The following ZNF618 variants were observed in gnomAD, a reference collection of about 807,000 sequenced individuals.
ZNF618 encodes neural precursor cell expressed, developmentally down-regulated 10.
Under a neutral mutation model 103.0 loss-of-function variants are expected in ZNF618, and 34 were observed. The ratio of observed to expected loss-of-function variants is 0.33; its 90% confidence interval spans 0.25 to 0.44. ZNF618 has a LOEUF of 0.44. ZNF618 is among the 20% of genes least tolerant of loss of function. The probability of loss-of-function intolerance (pLI) is 1.00; values close to 1 mark genes in which losing one functional copy is unlikely to be tolerated. For missense variants in ZNF618, 1,059 were observed against 1,295.4 expected, an observed-to-expected ratio of 0.82 and a Z score of 2.80; for synonymous variants, 551 against 542.2, an observed-to-expected ratio of 1.02 and a Z score of -0.23.
intron 13 of ZNF618, among the ~76,000 whole-genome samples, chr9:114,038,632 G>A (rs1844846048): frequency 6.6e-6 from 1 of 152,220 alleles, no homozygotes. Flanking sequence ...TTTCTGTGCT[G>A]TAGGAAAACC....
intron 1 of ZNF618, among the ~76,000 whole-genome samples, chr9:113,958,234 G>C (rs1025359969): frequency 6.6e-6 from 1 of 152,178 alleles, no homozygotes; most frequent in Admixed American, 6.5e-5. Context: ...TTTGGACTCG[G>C]AGTATCTGGG....
At chr9:113,978,211 C>T (rs189078302) in intron 2 of ZNF618, among the ~76,000 whole-genome samples, 1 of 152,308 alleles carries the variant, frequency 6.6e-6, no homozygotes, top group East Asian at 1.9e-4. Context: ...GAAACTTAGG[C>T]GGAATAGTAA....
chr9:113,947,494 G>A (rs1835154584), intron 1 of ZNF618, among the ~76,000 whole-genome samples: 1 of 152,102 alleles, frequency 6.6e-6, no homozygotes, highest in African/African-American at 2.4e-5. Context: ...TCTTATTACT[G>A]AAGTCCCCAA....
intron 2 of ZNF618, among the ~76,000 whole-genome samples, chr9:113,987,657 G>A (rs144762409): frequency 1.7e-3 from 260 of 152,336 alleles, no homozygotes; most frequent in Middle Eastern, 0.01. Context: ...GTAGTTTGAG[G>A]CCCAGCAGCC....
At chr9:113,962,047 T>C (rs948057854) in intron 1 of ZNF618, among the ~76,000 whole-genome samples, 2 of 152,162 alleles carry the variant, frequency 1.3e-5, no homozygotes, top group Non-Finnish European at 2.9e-5. Context: ...TCCACGTGCT[T>C]GGTTAATTCT....
At chr9:113,970,258 G>A (rs1440189463) in intron 2 of ZNF618, among the ~76,000 whole-genome samples, 1 of 152,006 alleles carries the variant, frequency 6.6e-6, no homozygotes, top group African/African-American at 2.4e-5. Context: ...CATTGAGCAA[G>A]TGTTCCTTGG....
chr9:113,894,622 C>A (rs750596188), intron 1 of ZNF618, among the ~76,000 whole-genome samples: 1 of 152,140 alleles, frequency 6.6e-6, no homozygotes, highest in Non-Finnish European at 1.5e-5. Context: ...TATTCATTCA[C>A]GCTCCTTTAT....
In ZNF618 at chr9:114,054,195, C is replaced by A. The variant is rs1274153328; in HGVS notation, c.*4028C>A. ...TATATTTGAGCAAGGCCACCTGCTT[C>A]CCCTGGACTTGAGCTGGACTCCTTG... On this transcript the variant is annotated 3_prime_UTR_variant, in exon 15 of 15. Transcript: ENST00000374126. 2 of 152,594 alleles carry A rather than the reference C, an allele frequency of 1.3e-5. No homozygotes were observed. Among genetic ancestry groups the A allele is most frequent in the Non-Finnish European group, 2.9e-5 (2 of 68,062 alleles). The allele number at this position is 152,594 out of a possible 1,614,324, so 9.5% of individuals were successfully genotyped here. A position where few individuals can be genotyped will look rare whatever the true frequency, so the allele number is the denominator to read the frequency against.
At chr9:113,974,349 G>T (rs1436275277) in intron 2 of ZNF618, among the ~76,000 whole-genome samples, 1 of 152,250 alleles carries the variant, frequency 6.6e-6, no homozygotes, top group Non-Finnish European at 1.5e-5. Flanking sequence ...TGGAGCTGGA[G>T]TAGCAGCAAG....
chr9:113,984,290 C>T (rs2133201181), intron 2 of ZNF618, among the ~76,000 whole-genome samples: 1 of 152,306 alleles, frequency 6.6e-6, no homozygotes, highest in East Asian at 1.9e-4. Context: ...CTGACTCTGC[C>T]TCAAGCAAGC....
chr9:114,019,820 A>G (rs1329432621), intron 10 of ZNF618, among the ~76,000 whole-genome samples: 2 of 152,140 alleles, frequency 1.3e-5, no homozygotes, highest in Admixed American at 6.5e-5. Flanking sequence ...ATACAGCATC[A>G]TTTGATGAAC....
intron 1 of ZNF618, among the ~76,000 whole-genome samples, chr9:113,948,919 A>G (rs1163410221): frequency 1.3e-5 from 2 of 152,206 alleles, no homozygotes; most frequent in Non-Finnish European, 2.9e-5. Context: ...GCTTTGCTGC[A>G]TTTTGAAACT....
intron 9 of ZNF618, 58 bp downstream of exon 9, chr9:114,008,612 G>C (rs375193923): frequency 1.1e-4 from 175 of 1,597,782 alleles, no homozygotes; most frequent in Middle Eastern, 3.3e-4. Context: ...AGGGAGGCAG[G>C]GCTCAGTCTC....
chr9:114,026,001 A>G (rs141597675), intron 10 of ZNF618, among the ~76,000 whole-genome samples: 76 of 152,298 alleles, frequency 5.0e-4, no homozygotes, highest in African/African-American at 1.8e-3. Context: ...CCATTGTTCA[A>G]AGGTCATACT....
chr9:114,053,447 G>A lies in ZNF618; in HGVS notation c.*3280G>A, dbSNP rs1014211241. On this transcript the variant is annotated 3_prime_UTR_variant, in exon 15 of 15. Coordinates refer to ENST00000374126, the MANE Select transcript of ZNF618 (RefSeq NM_001318042.2). ...CAGCAGCCTAAGGTGGTGGCCTGCT[G>A]ATGTGGAGACTACTCACCTTGAGCC... 11 of 152,288 alleles carry A rather than the reference G, an allele frequency of 7.2e-5. No individual in the cohort carries two copies. Among genetic ancestry groups the A allele is most frequent in the African/African-American group, 2.4e-4 (10 of 41,464 alleles). 9.4% of individuals were successfully genotyped at this position (152,288 alleles called of 1,614,324 possible). A position where few individuals can be genotyped will look rare whatever the true frequency, so the allele number is the denominator to read the frequency against.
chr9:113,979,546 G>A (rs1019540518), intron 2 of ZNF618, among the ~76,000 whole-genome samples: 6 of 152,224 alleles, frequency 3.9e-5, no homozygotes, highest in Non-Finnish European at 5.9e-5. Flanking sequence ...CTTCAGTTCT[G>A]AATATTCAGT....
intron 6 of ZNF618, among the ~76,000 whole-genome samples, chr9:114,002,886 T>C (rs1841381729): frequency 6.6e-6 from 1 of 152,124 alleles, no homozygotes; most frequent in African/African-American, 2.4e-5. Context: ...TCTGGGAAGG[T>C]TAGTGGGTGT....
chr9:113,906,772 A>C (rs1211723230), intron 1 of ZNF618, among the ~76,000 whole-genome samples: 1 of 152,218 alleles, frequency 6.6e-6, no homozygotes, highest in Non-Finnish European at 1.5e-5. Context: ...CTTAGGTTTT[A>C]AGTGACAGAA....
chr9:113,891,350 A>G (rs1829602365), intron 1 of ZNF618, among the ~76,000 whole-genome samples: 1 of 152,240 alleles, frequency 6.6e-6, no homozygotes, highest in Non-Finnish European at 1.5e-5. Context: ...TTGAATAGAC[A>G]TTTCTCCGAA....
Sources: gnomAD v4.1 joint callset for allele counts (sites outside exome capture counted in the v4.1 genomes callset) on GRCh38, gnomAD v4.1.1 for gene constraint, MANE v1.5 for transcripts, NCBI Gene and HGNC (gene_info 2026-07-23, HGNC 2026-07-21) for gene names.